Variants in ASB3 observed in about 807,000 individuals in gnomAD.
ASB3 encodes ankyrin repeat and SOCS box protein 3.
In ASB3, 41 loss-of-function variants were observed where a neutral mutation model predicts 54.5. The observed-to-expected ratio is 0.75, with a 90% CI of 0.59 to 0.98. ASB3 has a LOEUF of 0.98. ASB3 is among the 50% of genes least tolerant of loss of function. The pLI is 0.00. For synonymous variants in ASB3, 266 were observed against 221.2 expected, an observed-to-expected ratio of 1.20 and a Z score of -1.80; for missense variants, 733 against 620.0, an observed-to-expected ratio of 1.18 and a Z score of -1.94.
intron 1 of ASB3, chr2:53,774,007 C>A: frequency 1.0e-6 from 1 of 988,838 alleles, no homozygotes; most frequent in Non-Finnish European, 1.5e-6. Context: ...TGCACCACAG[C>A]CTGGGCAACA....
intron 5 of ASB3, among the ~76,000 whole-genome samples, chr2:53,719,557 C>T (rs1179050887): frequency 6.6e-6 from 1 of 152,012 alleles, no homozygotes; most frequent in African/African-American, 2.4e-5. Context: ...AACTCCCTTC[C>T]TTCTAGAAAG....
intron 3 of ASB3, among the ~76,000 whole-genome samples, chr2:53,730,620 T>C (rs761971982): frequency 6.6e-6 from 1 of 152,256 alleles, no homozygotes; most frequent in East Asian, 1.9e-4. Context: ...GGAATCACCA[T>C]ACCGCTTTCC....
rs750137018 is a variant in ASB3, at chr2:53,750,833, C to G, written c.305G>C (p.Gly102Ala). The G allele has an allele frequency of 5.0e-6, 8 of 1,602,358 alleles. No individual in the cohort carries two copies. The highest frequency in any genetic ancestry group is 6.8e-6 in the Non-Finnish European group (8 of 1,174,466). ...WKIVQILLEA[G>A]ADPNATTLEE... ...TAAAGTAGTTGCATTAGGATCTGCC[C>G]CAGCTTCTAAAAGAATCTGTACGAT... The change falls in exon 3 of 10, where the codon GGG becomes GCG. Residue 102 changes from glycine (G) to alanine (A), a missense_variant. Transcript: ENST00000263634.
chr2:53,671,767 A>G (rs1667834994), intron 9 of ASB3, among the ~76,000 whole-genome samples: 1 of 130,246 alleles, frequency 7.7e-6, no homozygotes, highest in Non-Finnish European at 1.7e-5. Flanking sequence ...CTCAAAAAAA[A>G]AAAGAAAAGA....
chr2:53,738,708 G>A (rs1017908857), intron 3 of ASB3, among the ~76,000 whole-genome samples: 2 of 152,206 alleles, frequency 1.3e-5, no homozygotes. Context: ...CTTGGAGTAA[G>A]TGTCAAAGAC....
intron 9 of ASB3, among the ~76,000 whole-genome samples, chr2:53,689,136 G>C (rs577891401): frequency 1.6e-4 from 25 of 151,616 alleles, no homozygotes; most frequent in Admixed American, 1.1e-3. Context: ...GATAAATCAT[G>C]TCAAGTTTAA....
At chr2:53,711,778 A>C (rs1033659297) in intron 7 of ASB3, among the ~76,000 whole-genome samples, 48 of 152,154 alleles carry the variant, frequency 3.2e-4, no homozygotes, top group African/African-American at 1.2e-3. Flanking sequence ...TCTCAAAAAA[A>C]AAAAGGAAAA....
At chr2:53,775,355 G>GTA (rs1674258746) in intron 1 of ASB3, among the ~76,000 whole-genome samples, 2 of 152,070 alleles carry the variant, frequency 1.3e-5, no homozygotes, top group Admixed American at 6.5e-5. Context: ...GTGTGTGTGT[G>GTA]TATATACATA....
At chr2:53,743,146 G>A (rs1485719660) in intron 3 of ASB3, among the ~76,000 whole-genome samples, 2 of 149,038 alleles carry the variant, frequency 1.3e-5, no homozygotes, top group African/African-American at 4.9e-5. Context: ...TTCAATTTAA[G>A]TGATTCAATT....
chr2:53,782,851 A>C (rs551941570), intron 1 of ASB3, among the ~76,000 whole-genome samples: 5 of 152,110 alleles, frequency 3.3e-5, no homozygotes, highest in Non-Finnish European at 5.9e-5. Context: ...CAATGGCGCA[A>C]TCTCGGCTCA....
At chr2:53,725,660 C>T (rs897414670) in intron 5 of ASB3, among the ~76,000 whole-genome samples, 3 of 151,962 alleles carry the variant, frequency 2.0e-5, no homozygotes, top group Admixed American at 6.6e-5. Flanking sequence ...GAATACATTT[C>T]GGTGGAAAGA....
intron 3 of ASB3, among the ~76,000 whole-genome samples, chr2:53,739,125 G>A (rs1671797838): frequency 1.3e-5 from 2 of 152,058 alleles, no homozygotes; most frequent in South Asian, 4.1e-4. Flanking sequence ...GACATTTTCT[G>A]GTTTTGAAAA....
chr2:53,736,700 GAAAAA>G (rs60348593), intron 3 of ASB3, among the ~76,000 whole-genome samples: 1 of 130,786 alleles, frequency 7.6e-6, no homozygotes, highest in Admixed American at 7.6e-5. Flanking sequence ...TTCCATCTCA[GAAAAA>G]AAAAAAAAAA....
At chr2:53,739,268 G>C (rs1671804849) in intron 3 of ASB3, among the ~76,000 whole-genome samples, 1 of 152,050 alleles carries the variant, frequency 6.6e-6, no homozygotes, top group Non-Finnish European at 1.5e-5. Context: ...CAAAACTTTT[G>C]ACCAAAATCA....
intron 1 of ASB3, among the ~76,000 whole-genome samples, chr2:53,766,239 T>C (rs1303204164): frequency 6.6e-6 from 1 of 152,174 alleles, no homozygotes; most frequent in African/African-American, 2.4e-5. Context: ...TTTTCCTACA[T>C]AGCCCAGAAA....
chr2:53,759,680 T>C (rs1673033847), intron 2 of ASB3, among the ~76,000 whole-genome samples: 1 of 152,114 alleles, frequency 6.6e-6, no homozygotes, highest in Non-Finnish European at 1.5e-5. Context: ...CTAACAGGGA[T>C]TGCTTCCAGT....
rs574345193 is a variant in ASB3, at chr2:53,717,996, T to C, written c.605-1253A>G. Among the ~76,000 whole-genome samples the C allele has an allele frequency of 1.2e-3, 184 of 151,984 alleles. 1 individual carries two copies. Among genetic ancestry groups the C allele is most frequent in the Non-Finnish European group, 2.3e-3 (156 of 67,922 alleles). ...TAACCCAGTCAGATAAAAATAAAAATAAAAAATTTTTAATGAAAAAGGCTT... is the reference window on the plus strand; with the variant it reads ...TAACCCAGTCAGATAAAAATAAAAACAAAAAATTTTTAATGAAAAAGGCTT... On this transcript the variant is annotated intron_variant, in intron 5 of 9. Coordinates refer to ENST00000263634, the MANE Select transcript of ASB3 (RefSeq NM_016115.5).
Position 53,716,637 on chromosome 2 carries a change from A to G in ASB3, c.711T>C (p.Asp237=), listed in dbSNP as rs1670409696. ...CVELLLSSGA[D]PDLYCNEDSW... ...TGTCCTCATTACAGTAAAGATCAGGATCTGCCCCACTGGAGAGCAAAAGCT... is the reference window on the plus strand; with the variant it reads ...TGTCCTCATTACAGTAAAGATCAGGGTCTGCCCCACTGGAGAGCAAAAGCT... Residue 237 remains aspartate (D), a synonymous_variant, in exon 6 of 10, where the codon GAT becomes GAC. Transcript: ENST00000263634. 1.9e-6 allele frequency: 3 copies of G among 1,614,094 alleles called. No homozygotes were observed. Among genetic ancestry groups the G allele is most frequent in the Admixed American group, 1.7e-5 (1 of 60,008 alleles).
At chr2:53,733,907 T>C (rs960994612) in intron 3 of ASB3, among the ~76,000 whole-genome samples, 4 of 152,224 alleles carry the variant, frequency 2.6e-5, no homozygotes, top group African/African-American at 9.6e-5. Flanking sequence ...CTACAGATTA[T>C]AGATTAACTA....
Sources: allele counts gnomAD v4.1 joint callset (sites outside exome capture counted in the v4.1 genomes callset), GRCh38; gene constraint gnomAD v4.1.1; transcripts MANE v1.5; gene names NCBI Gene and HGNC (gene_info 2026-07-23, HGNC 2026-07-21).